Variants in CDH23 observed in about 807,000 individuals in gnomAD.
CDH23 encodes cadherin related 23, also known as cadherin-23.
Under a neutral mutation model 317.1 loss-of-function variants are expected in CDH23, and 189 were observed. The observed-to-expected ratio is 0.60, with a 90% CI of 0.53 to 0.67. The LOEUF (loss-of-function observed/expected upper bound fraction) is 0.67. Among genes scored for constraint, CDH23 ranks in the 30% least tolerant of loss-of-function variants. CDH23 has a pLI of 0.00. For synonymous variants in CDH23, 1,839 were observed against 1,876.8 expected (o/e 0.98, Z 0.52); for missense variants, 4,401 against 4,592.4 (o/e 0.96, Z 1.20).
rs111332775 is a variant in CDH23, at chr10:71,730,402, G to A, written c.3580-67G>A. ...GTGACCACACAAGGCGGCCACAGTG[G>A]GCCAAGCCCTGGGCTTCCCAGCCTC... On this transcript the variant is annotated intron_variant, in intron 30 of 69. Coordinates refer to ENST00000224721, the MANE Select transcript of CDH23 (RefSeq NM_022124.6). 4.6e-3 allele frequency: 7,231 copies of A among 1,575,418 alleles called. 21 individuals are homozygous for A. The highest frequency in any genetic ancestry group is 5.5e-3 in the Non-Finnish European group (6,407 of 1,160,438).
chr10:71,444,579 T>G (rs3936957), intron 2 of CDH23, among the ~76,000 whole-genome samples: 135,936 of 152,262 alleles, frequency 0.89, 60,840 homozygotes, highest in South Asian at 0.94. Context: ...TCCTGGCCAG[T>G]AAGTGAGAGA....
At chr10:71,563,707 T>G (rs2132348726) in intron 6 of CDH23, among the ~76,000 whole-genome samples, 1 of 152,222 alleles carries the variant, frequency 6.6e-6, no homozygotes, top group East Asian at 1.9e-4. Context: ...TCTCTTTTTT[T>G]CACACCTTAT....
chr10:71,417,573 C>T (rs1848588629), intron 1 of CDH23, among the ~76,000 whole-genome samples: 1 of 152,124 alleles, frequency 6.6e-6, no homozygotes, highest in South Asian at 2.1e-4. Context: ...TTCACCATGT[C>T]CCATATATCT....
chr10:71,569,688 C>A (rs1333765988), intron 7 of CDH23, among the ~76,000 whole-genome samples: 1 of 152,174 alleles, frequency 6.6e-6, no homozygotes, highest in East Asian at 1.9e-4. Flanking sequence ...GTTACTCAGC[C>A]TCTCTGAGTC....
chr10:71,777,618 T>C (rs1840844723), intron 38 of CDH23, 62 bp from the exon 39 acceptor site: 1 of 1,464,694 alleles, frequency 6.8e-7, no homozygotes, highest in Non-Finnish European at 9.4e-7. Context: ...AGAACAGCCA[T>C]CTGGATCCAC....
intron 9 of CDH23, among the ~76,000 whole-genome samples, chr10:71,610,880 C>T (rs527320816): frequency 6.6e-6 from 1 of 152,226 alleles, no homozygotes; most frequent in Admixed American, 6.5e-5. Flanking sequence ...ATTTGAATCA[C>T]CAGTTCCCAG....
intron 6 of CDH23, among the ~76,000 whole-genome samples, chr10:71,530,224 C>T: frequency 6.6e-6 from 1 of 152,218 alleles, no homozygotes; most frequent in Non-Finnish European, 1.5e-5. Context: ...TTTCCTTACA[C>T]AGGACTCCAC....
chr10:71,509,548 A>C (rs780013375), intron 3 of CDH23, among the ~76,000 whole-genome samples: 1 of 152,164 alleles, frequency 6.6e-6, no homozygotes, highest in Admixed American at 6.5e-5. Flanking sequence ...CGCAGTGCCA[A>C]TGAGCAACTC....
chr10:71,417,268 G>C (rs1589279620), intron 1 of CDH23, among the ~76,000 whole-genome samples: 1 of 151,752 alleles, frequency 6.6e-6, no homozygotes, highest in African/African-American at 2.4e-5. Context: ...GTAGAGACAG[G>C]GTTTCACCAT....
At chr10:71,731,207 G>C (rs1488883637) in intron 31 of CDH23, among the ~76,000 whole-genome samples, 3 of 152,248 alleles carry the variant, frequency 2.0e-5, no homozygotes, top group Non-Finnish European at 4.4e-5. Flanking sequence ...CTGTACCCCA[G>C]TCAGGGATAC....
intron 17 of CDH23, among the ~76,000 whole-genome samples, chr10:71,679,753 T>C (rs1045959338): frequency 2.6e-5 from 4 of 152,088 alleles, no homozygotes; most frequent in Admixed American, 1.3e-4. Context: ...GAGCCAGAAG[T>C]GTGATGTTAA....
chr10:71,677,841 T>C lies in CDH23; in HGVS notation c.1752+148T>C, dbSNP rs1041457800. Reference sequence around the variant, plus strand: ...AGTGCAGTGGTACAATCAGAGTTCATTGCGGCCCCAAACTCCTGGGCTCAA... The same window carrying C: ...AGTGCAGTGGTACAATCAGAGTTCACTGCGGCCCCAAACTCCTGGGCTCAA... On this transcript the variant is annotated intron_variant, in intron 16 of 69. Transcript: ENST00000224721. The C allele has an allele frequency of 5.8e-6, 4 of 689,980 alleles. No individual in the cohort carries two copies. In the African/African-American group the frequency reaches 7.1e-5, roughly 12 times the overall value. The allele number at this position is 689,980 out of a possible 1,614,324, so 42.7% of individuals were successfully genotyped here.
chr10:71,447,477 G>T (rs1368436125), intron 3 of CDH23, among the ~76,000 whole-genome samples: 1 of 152,072 alleles, frequency 6.6e-6, no homozygotes, highest in African/African-American at 2.4e-5. Flanking sequence ...TTCAGGGGGT[G>T]CTGGGCCCAG....
In CDH23 at chr10:71,807,864, A is replaced by G. The variant is rs1202753518; in HGVS notation, c.8579A>G (p.Lys2860Arg). The G allele has an allele frequency of 6.2e-7, 1 of 1,603,514 alleles. No individual in the cohort carries two copies. The highest frequency in any genetic ancestry group is 8.5e-7 in the Non-Finnish European group (1 of 1,174,988). Residue 2860 changes from lysine (K) to arginine (R), a missense_variant, in exon 60 of 70, where the codon AAG (lysine) becomes AGG (arginine). This residue lies in a region of CDH23 where 1,144 missense variants were observed against 1,138.2 expected (regional missense o/e 1.01). Coordinates refer to ENST00000224721, the MANE Select transcript of CDH23 (RefSeq NM_022124.6). ...EYTAGVATDA[K>R]VGSELIQVLA... ...CCTGCAGGGGTGGCCACCGACGCCAAGGTGGGCTCAGAGTTGATCCAGGTG... is the reference window on the plus strand; with the variant it reads ...CCTGCAGGGGTGGCCACCGACGCCAGGGTGGGCTCAGAGTTGATCCAGGTG...
In CDH23 at chr10:71,704,980, C is replaced by T. The variant is rs758451585; in HGVS notation, c.2803C>T (p.Arg935Cys). The change falls in exon 25 of 70, where the codon CGC becomes TGC. Residue 935 changes from arginine to cysteine, a missense_variant. Around this residue, in one of 3 missense-constraint regions of CDH23, gnomAD observed 3,068 missense variants for 3,203.3 expected, o/e 0.96. Transcript: ENST00000224721. ...VSYRMPVGMP[R>C]MDFLINSSSG... Reference sequence around the variant, plus strand: ...CTACCGCATGCCGGTGGGCATGCCCCGCATGGACTTCCTCATCAACAGCAG... The same window carrying T: ...CTACCGCATGCCGGTGGGCATGCCCTGCATGGACTTCCTCATCAACAGCAG... 6.8e-6 allele frequency: 11 copies of T among 1,612,728 alleles called. No individual in the cohort carries two copies. In the East Asian group the frequency reaches 8.9e-5, roughly 13 times the overall value.
chr10:71,789,174 G>T, intron 45 of CDH23, 132 bp downstream of exon 45: 1 of 603,418 alleles, frequency 1.7e-6, no homozygotes, highest in South Asian at 2.0e-5. Flanking sequence ...GGGGAAGGAT[G>T]GGTGCAGCTC....
chr10:71,662,365 G>A (rs1344064704), intron 14 of CDH23, among the ~76,000 whole-genome samples: 1 of 152,104 alleles, frequency 6.6e-6, no homozygotes, highest in African/African-American at 2.4e-5. Flanking sequence ...TGGAGCATAG[G>A]CAGTGACCAG....
chr10:71,663,106 T>C (rs768221059), intron 14 of CDH23, among the ~76,000 whole-genome samples: 3 of 152,208 alleles, frequency 2.0e-5, no homozygotes, highest in Non-Finnish European at 4.4e-5. Context: ...AATTATTTTC[T>C]CAAAGTCCCC....
At chr10:71,619,324 CAA>C (rs34480320) in intron 11 of CDH23, among the ~76,000 whole-genome samples, 3 of 117,720 alleles carry the variant, frequency 2.5e-5, no homozygotes. Context: ...GACCCTGTCT[CAA>C]AAAAAAAAAA....
Sources: allele counts gnomAD v4.1 joint callset (sites outside exome capture counted in the v4.1 genomes callset), GRCh38; gene constraint gnomAD v4.1.1; regional missense constraint gnomAD v4.1.1; transcripts MANE v1.5; gene names NCBI Gene and HGNC (gene_info 2026-07-23, HGNC 2026-07-21).